Variants in SMYD3 observed in about 807,000 individuals in gnomAD.
The protein encoded by SMYD3 is SET and MYND domain containing 3, also known as histone-lysine N-methyltransferase SMYD3.
SMYD3 carries 36 observed loss-of-function variants against 57.7 expected under a neutral mutation model. The ratio of observed to expected loss-of-function variants is 0.62; its 90% CI spans 0.48 to 0.82. The LOEUF (loss-of-function observed/expected upper bound fraction) is 0.82, where lower values mean the gene tolerates loss of function less well. SMYD3 is among the 40% of genes least tolerant of loss of function. The pLI is 0.00. For missense variants in SMYD3, 515 were observed against 538.8 expected, an observed-to-expected ratio of 0.96 and a Z score of 0.44; for synonymous variants, 211 against 195.0, an observed-to-expected ratio of 1.08 and a Z score of -0.68.
At chr1:246,231,970 T>C (rs1020257410) in intron 5 of SMYD3, among the ~76,000 whole-genome samples, 1 of 152,240 alleles carries the variant, frequency 6.6e-6, no homozygotes, top group Non-Finnish European at 1.5e-5. Context: ...AATTTTGCTA[T>C]GGCAACAGTT....
intron 5 of SMYD3, among the ~76,000 whole-genome samples, chr1:246,173,329 CACTGT>C (rs1468992189): frequency 6.6e-6 from 1 of 152,236 alleles, no homozygotes; most frequent in Non-Finnish European, 1.5e-5. Context: ...CTAGAACACT[CACTGT>C]ATTCTACTCT....
chr1:246,006,620 T>G (rs901469225), intron 5 of SMYD3, among the ~76,000 whole-genome samples: 32 of 152,136 alleles, frequency 2.1e-4, no homozygotes, highest in Non-Finnish European at 5.9e-5. Context: ...GCTGCAGCCT[T>G]CCTGATGTGT....
At chr1:246,041,981 T>C (rs1053037931) in intron 5 of SMYD3, among the ~76,000 whole-genome samples, 6 of 152,218 alleles carry the variant, frequency 3.9e-5, no homozygotes, top group African/African-American at 1.4e-4. Flanking sequence ...GTTTTATTGC[T>C]TTCATTTCAT....
intron 5 of SMYD3, among the ~76,000 whole-genome samples, chr1:245,971,769 T>C (rs1264603901): frequency 6.6e-6 from 1 of 152,220 alleles, no homozygotes; most frequent in Non-Finnish European, 1.5e-5. Context: ...TTTAACCAGA[T>C]GCTGCTTTGT....
chr1:246,305,042 G>A (rs2064956563), intron 5 of SMYD3, among the ~76,000 whole-genome samples: 4 of 152,244 alleles, frequency 2.6e-5, no homozygotes, highest in South Asian at 4.1e-4. Context: ...ATTCTCATAC[G>A]ATTACTTGGA....
At chr1:246,436,017 A>G (rs2067367096) in intron 1 of SMYD3, among the ~76,000 whole-genome samples, 1 of 152,186 alleles carries the variant, frequency 6.6e-6, no homozygotes, top group African/African-American at 2.4e-5. Flanking sequence ...TTCCTGGGTC[A>G]GTAATGAAAA....
intron 5 of SMYD3, among the ~76,000 whole-genome samples, chr1:246,044,959 C>G (rs1489995066): frequency 2.0e-5 from 3 of 152,122 alleles, no homozygotes; most frequent in African/African-American, 4.8e-5. Flanking sequence ...GAACTACAAA[C>G]CACTGCTCAA....
At chr1:245,920,295 A>G (rs1397955219) in intron 7 of SMYD3, among the ~76,000 whole-genome samples, 2 of 129,394 alleles carry the variant, frequency 1.5e-5, no homozygotes, top group Admixed American at 9.4e-5. Flanking sequence ...CCTGGGCGAC[A>G]GAGCGAGACT....
chr1:245,988,486 G>GC (rs34391959), intron 5 of SMYD3: 21,353 of 152,252 alleles, frequency 0.14, 1,635 homozygotes, highest in South Asian at 0.23. Flanking sequence ...AACGGCACCT[G>GC]CCCACTTGAA....
Position 246,450,528 on chromosome 1 carries a change from A to ACACG in SMYD3, c.164+56525_164+56526insCGTG, listed in dbSNP as rs547439191. ...AATTTCATAAAGATTTGGGTTACAC[A>ACACG]GGTGTATGCATTTGTCGGAATTCAT... is the stretch of plus-strand genomic sequence containing the variant. On this transcript the variant is annotated intron_variant, in intron 1 of 11. Coordinates refer to ENST00000490107, the MANE Select transcript of SMYD3 (RefSeq NM_001167740.2). Among the ~76,000 whole-genome samples the ACACG allele has an allele frequency of 1.7e-3, 262 of 152,332 alleles. 2 individuals carry two copies. Among genetic ancestry groups the ACACG allele is most frequent in the Non-Finnish European group, 2.7e-3 (186 of 68,022 alleles).
intron 5 of SMYD3, among the ~76,000 whole-genome samples, chr1:246,168,591 C>T (rs1398295811): frequency 6.6e-6 from 1 of 152,154 alleles, no homozygotes; most frequent in Non-Finnish European, 1.5e-5. Context: ...GAATGGAGAA[C>T]GTTTACAAGC....
At chr1:246,308,893 A>T (rs1055295531) in intron 5 of SMYD3, among the ~76,000 whole-genome samples, 3 of 152,220 alleles carry the variant, frequency 2.0e-5, no homozygotes, top group African/African-American at 7.2e-5. Flanking sequence ...AATGACTCAC[A>T]GGCCTAAGAT....
intron 5 of SMYD3, among the ~76,000 whole-genome samples, chr1:246,294,869 G>A (rs933917719): frequency 6.6e-6 from 1 of 152,134 alleles, no homozygotes; most frequent in Non-Finnish European, 1.5e-5. Context: ...AAAGTGTTGG[G>A]ATTACAGGCA....
intron 1 of SMYD3, among the ~76,000 whole-genome samples, chr1:246,414,193 G>A (rs933411410): frequency 6.6e-6 from 1 of 152,180 alleles, no homozygotes; most frequent in African/African-American, 2.4e-5. Flanking sequence ...ACAGAATGCA[G>A]TCTTTAGAGA....
intron 5 of SMYD3, among the ~76,000 whole-genome samples, chr1:246,189,942 C>A (rs977185436): frequency 2.6e-5 from 4 of 152,134 alleles, no homozygotes. Flanking sequence ...AGAACTGGCA[C>A]CGTAACAAAC....
At chr1:245,801,523 T>C (rs1318665292) in intron 10 of SMYD3, among the ~76,000 whole-genome samples, 2 of 152,170 alleles carry the variant, frequency 1.3e-5, no homozygotes, top group Non-Finnish European at 2.9e-5. Flanking sequence ...GCTACGAAGC[T>C]CAGAGGAAGG....
At chr1:246,097,385 C>T (rs762445599) in intron 5 of SMYD3, among the ~76,000 whole-genome samples, 1 of 152,016 alleles carries the variant, frequency 6.6e-6, no homozygotes, top group African/African-American at 2.4e-5. Flanking sequence ...AGCAGGATGC[C>T]GAGATGGTTC....
chr1:246,467,480 A>G (rs2067898259), intron 1 of SMYD3, among the ~76,000 whole-genome samples: 1 of 152,128 alleles, frequency 6.6e-6, no homozygotes, highest in South Asian at 2.1e-4. Flanking sequence ...AAGAGGGAAG[A>G]CTCGAATAAA....
At chr1:246,432,092 C>T (rs2067306473) in intron 1 of SMYD3, among the ~76,000 whole-genome samples, 1 of 152,134 alleles carries the variant, frequency 6.6e-6, no homozygotes, top group Non-Finnish European at 1.5e-5. Flanking sequence ...TTATGCCAAA[C>T]TTAGATTGGA....
Sources: gnomAD v4.1 joint callset for allele counts (sites outside exome capture counted in the v4.1 genomes callset) on GRCh38, gnomAD v4.1.1 for gene constraint, MANE v1.5 for transcripts, NCBI Gene and HGNC (gene_info 2026-07-23, HGNC 2026-07-21) for gene names.